TBC1D5: variants seen among roughly 807,000 people sequenced by gnomAD.
The protein encoded by TBC1D5 is TBC1 domain family member 5, also known as TBC1 domain family, member 5.
TBC1D5 carries 75 observed loss-of-function variants against 100.3 expected under a neutral mutation model. That is an observed-to-expected ratio of 0.75 (90% CI 0.62 to 0.91). TBC1D5 has a LOEUF of 0.91. Among genes scored for constraint, TBC1D5 ranks in the 40% least tolerant of loss-of-function variants. TBC1D5 has a pLI of 0.00. For missense variants in TBC1D5, 910 were observed against 942.4 expected (o/e 0.97, Z 0.45); for synonymous variants, 323 against 325.6 (o/e 0.99, Z 0.09).
At chr3:17,240,775 T>C (rs1011663705) in intron 16 of TBC1D5, among the ~76,000 whole-genome samples, 4 of 152,136 alleles carry the variant, frequency 2.6e-5, no homozygotes, top group African/African-American at 9.7e-5. Context: ...GTTATAATGT[T>C]GTTACCCTTT....
chr3:17,450,359 G>T (rs1293851908), intron 3 of TBC1D5, among the ~76,000 whole-genome samples: 1 of 152,076 alleles, frequency 6.6e-6, no homozygotes, highest in African/African-American at 2.4e-5. Flanking sequence ...TACCAGCAAG[G>T]GAACAAAACT....
Position 17,591,233 on chromosome 3 carries a change from C to CAAAAAAAAAA in TBC1D5, c.-36+32606_-36+32615dup, listed in dbSNP as rs60889092. Among the ~76,000 whole-genome samples the CAAAAAAAAAA allele has an allele frequency of 7.0e-3, 130 of 18,628 alleles. 11 individuals are homozygous for CAAAAAAAAAA. The highest frequency in any genetic ancestry group is 0.022 in the East Asian group (11 of 492). The allele number at this position is 18,628 out of a possible 152,430, so 12.2% of individuals were successfully genotyped here. A position where few individuals can be genotyped will look rare whatever the true frequency, so the allele number is the denominator to read the frequency against. On this transcript the variant is annotated intron_variant, in intron 2 of 21. Coordinates refer to ENST00000253692, the Ensembl canonical transcript of TBC1D5. Reference sequence around the variant, plus strand: ...ACTGGGCTACAAAGAAAGGATCTGTCAAAAAAAAAAAAAAAAAAAAAAAAA... The same window carrying CAAAAAAAAAA: ...ACTGGGCTACAAAGAAAGGATCTGTCAAAAAAAAAAAAAAAAAAAAAAAAAAAAAAAAAAA...
intron 18 of TBC1D5, among the ~76,000 whole-genome samples, chr3:17,202,622 G>A (rs1468339153): frequency 1.3e-5 from 2 of 152,236 alleles, no homozygotes; most frequent in East Asian, 3.8e-4. Flanking sequence ...TGTGGGCTGG[G>A]CCCAGGGCCC....
At chr3:17,158,277 T>C (rs1456114185) in exon 22 of TBC1D5, 4 of 152,232 alleles carry the variant, frequency 2.6e-5, no homozygotes, top group African/African-American at 9.6e-5. Context: ...GCTTCATGTA[T>C]ACAAAATGTA....
At chr3:17,652,370 C>T (rs755077450) in intron 1 of TBC1D5, among the ~76,000 whole-genome samples, 9 of 152,022 alleles carry the variant, frequency 5.9e-5, no homozygotes, top group Non-Finnish European at 8.8e-5. Context: ...AAAACTACAT[C>T]GAAAACTTCA....
At chr3:17,581,005 G>A (rs1403241410) in intron 2 of TBC1D5, among the ~76,000 whole-genome samples, 1 of 152,190 alleles carries the variant, frequency 6.6e-6, no homozygotes, top group African/African-American at 2.4e-5. Flanking sequence ...ATCCTGAACT[G>A]TAACTCCCAT....
intron 9 of TBC1D5, among the ~76,000 whole-genome samples, chr3:17,380,055 G>C (rs1472104546): frequency 7.6e-6 from 1 of 132,306 alleles, no homozygotes; most frequent in African/African-American, 3.4e-5. Flanking sequence ...ATGTGTGTGT[G>C]TGTGTGTGTG....
At chr3:17,630,444 C>T (rs938036704) in intron 1 of TBC1D5, among the ~76,000 whole-genome samples, 2 of 152,128 alleles carry the variant, frequency 1.3e-5, no homozygotes, top group African/African-American at 4.8e-5. Flanking sequence ...CTATGGTGAA[C>T]TGTGATCAGT....
At chr3:17,283,072 A>G (rs561805811) in intron 15 of TBC1D5, among the ~76,000 whole-genome samples, 1 of 152,244 alleles carries the variant, frequency 6.6e-6, no homozygotes, top group Non-Finnish European at 1.5e-5. Context: ...AAGCTGGGAT[A>G]ATATCTCCCT....
chr3:17,555,946 G>A (rs992936131), intron 2 of TBC1D5, among the ~76,000 whole-genome samples: 1 of 152,162 alleles, frequency 6.6e-6, no homozygotes, highest in Non-Finnish European at 1.5e-5. Flanking sequence ...ACAACAAGAG[G>A]ATCCATTCAG....
intron 1 of TBC1D5, chr3:17,665,144 A>C (rs1056555094): frequency 3.3e-5 from 5 of 151,722 alleles, no homozygotes; most frequent in Admixed American, 3.3e-4. Flanking sequence ...CTAGCTGTCA[A>C]GGTGCAACTC....
intron 13 of TBC1D5, among the ~76,000 whole-genome samples, chr3:17,316,815 G>A (rs895442048): frequency 4.6e-5 from 7 of 152,152 alleles, no homozygotes; most frequent in African/African-American, 1.7e-4. Flanking sequence ...TGGGGGAGAT[G>A]AACTTTCTTC....
At chr3:17,290,642 A>G (rs2081629150) in intron 15 of TBC1D5, among the ~76,000 whole-genome samples, 1 of 152,146 alleles carries the variant, frequency 6.6e-6, no homozygotes, top group Non-Finnish European at 1.5e-5. Flanking sequence ...TATTTGACAG[A>G]TATTTTGTCA....
intron 13 of TBC1D5, among the ~76,000 whole-genome samples, chr3:17,350,547 C>T (rs2090445735): frequency 6.6e-6 from 1 of 152,130 alleles, no homozygotes; most frequent in Admixed American, 6.5e-5. Context: ...TCCTTTTTTA[C>T]AATCATGTGC....
chr3:17,360,740 A>G (rs1303203340), intron 13 of TBC1D5, among the ~76,000 whole-genome samples: 1 of 152,042 alleles, frequency 6.6e-6, no homozygotes, highest in African/African-American at 2.4e-5. Flanking sequence ...AGTTAAAATT[A>G]TGATTAAAAT....
At chr3:17,226,239 C>T (rs559199817) in intron 17 of TBC1D5, among the ~76,000 whole-genome samples, 96 of 150,708 alleles carry the variant, frequency 6.4e-4, no homozygotes, top group Non-Finnish European at 1.3e-3. Context: ...AGCTCCTGAG[C>T]TGAGGGGTCA....
intron 17 of TBC1D5, among the ~76,000 whole-genome samples, chr3:17,220,397 A>T (rs950381707): frequency 2.6e-5 from 4 of 152,108 alleles, no homozygotes; most frequent in African/African-American, 9.7e-5. Flanking sequence ...TTTCCTGATA[A>T]CTAGAGAGGC....
At chr3:17,239,956 T>C (rs961013097) in intron 16 of TBC1D5, among the ~76,000 whole-genome samples, 9 of 152,314 alleles carry the variant, frequency 5.9e-5, no homozygotes, top group East Asian at 1.9e-4. Context: ...TTCATAAAAA[T>C]GGAAAATTGA....
intron 15 of TBC1D5, among the ~76,000 whole-genome samples, chr3:17,269,471 A>G (rs2079162600): frequency 6.6e-6 from 1 of 152,136 alleles, no homozygotes; most frequent in African/African-American, 2.4e-5. Context: ...GCAGCCAGAA[A>G]TTGACTATTT....
Sources: gnomAD v4.1 joint callset for allele counts (sites outside exome capture counted in the v4.1 genomes callset) on GRCh38, gnomAD v4.1.1 for gene constraint, MANE v1.5 for transcripts, NCBI Gene and HGNC (gene_info 2026-07-23, HGNC 2026-07-21) for gene names.